The following PPP1R12B variants were observed in gnomAD, a reference collection of about 807,000 sequenced individuals.
The protein encoded by PPP1R12B is myosin phosphatase target subunit 2.
PPP1R12B carries 76 observed loss-of-function variants against 126.1 expected under a neutral mutation model. The ratio of observed to expected loss-of-function variants is 0.60; its 90% CI spans 0.50 to 0.73. The LOEUF is 0.73. Ranked by LOEUF, PPP1R12B falls within the 30% of genes least tolerant of loss-of-function variation. The pLI is 0.00. For synonymous variants in PPP1R12B, 356 were observed against 434.7 expected, an observed-to-expected ratio of 0.82 and a Z score of 2.25; for missense variants, 1,052 against 1,205.1, an observed-to-expected ratio of 0.87 and a Z score of 1.88.
At chr1:202,512,139 C>G (rs973959579) in intron 18 of PPP1R12B, among the ~76,000 whole-genome samples, 1 of 152,164 alleles carries the variant, frequency 6.6e-6, no homozygotes, top group African/African-American at 2.4e-5. Flanking sequence ...CTAGGATATT[C>G]CAGGGCTAAC....
rs767705356 is a variant in PPP1R12B at position 202,588,446 on chromosome 1, G to A, written c.*7886G>A. 2 of 152,558 alleles carry A rather than the reference G, an allele frequency of 1.3e-5. No individual in the cohort carries two copies. Among genetic ancestry groups the A allele is most frequent in the Non-Finnish European group, 2.9e-5 (2 of 68,034 alleles). The allele number at this position is 152,558 out of a possible 1,614,324, so 9.5% of individuals were successfully genotyped here. A position where few individuals can be genotyped will look rare whatever the true frequency, so the allele number is the denominator to read the frequency against. Reference sequence around the variant, plus strand: ...GATGAATGGTTTTGTTTTACTGGTTGTTGTTATATAGTTTTGAGTATTCTG... The same window carrying A: ...GATGAATGGTTTTGTTTTACTGGTTATTGTTATATAGTTTTGAGTATTCTG... On this transcript the variant is annotated 3_prime_UTR_variant, in exon 24 of 24. Coordinates refer to ENST00000608999, the MANE Select transcript of PPP1R12B (RefSeq NM_002481.4).
At chr1:202,502,043 T>C in intron 18 of PPP1R12B, 1 of 985,276 alleles carries the variant, frequency 1.0e-6, no homozygotes, top group Non-Finnish European at 1.2e-6. Context: ...AGACTTTTCA[T>C]ACTTTTCTTT....
chr1:202,485,185 A>G (rs1459349428), intron 13 of PPP1R12B, among the ~76,000 whole-genome samples: 1 of 152,102 alleles, frequency 6.6e-6, no homozygotes, highest in Admixed American at 6.5e-5. Context: ...TTGGGAGGGT[A>G]GTGTGCCACA....
chr1:202,446,250 A>ATT (rs1219174832), intron 12 of PPP1R12B, among the ~76,000 whole-genome samples: 44 of 61,558 alleles, frequency 7.1e-4, no homozygotes, highest in African/African-American at 3.9e-3. Flanking sequence ...ATATATATAT[A>ATT]TATATATTTT....
chr1:202,444,233 A>G (rs910279939), intron 12 of PPP1R12B, among the ~76,000 whole-genome samples: 6 of 152,178 alleles, frequency 3.9e-5, no homozygotes, highest in Middle Eastern at 3.2e-3. Context: ...TTCCTTTCAT[A>G]TGGCCCATAT....
intron 13 of PPP1R12B, among the ~76,000 whole-genome samples, chr1:202,453,236 A>T (rs1431736280): frequency 6.6e-6 from 1 of 152,010 alleles, no homozygotes; most frequent in Non-Finnish European, 1.5e-5. Context: ...AATTGAAATG[A>T]TCATAGTGTT....
At chr1:202,374,330 AG>A in intron 1 of PPP1R12B, among the ~76,000 whole-genome samples, 2 of 152,236 alleles carry the variant, frequency 1.3e-5, no homozygotes, top group Admixed American at 1.3e-4. Flanking sequence ...ATGTTTATAC[AG>A]CAGTTAACTA....
chr1:202,503,127 G>A (rs1680411406), intron 18 of PPP1R12B, among the ~76,000 whole-genome samples: 1 of 152,168 alleles, frequency 6.6e-6, no homozygotes, highest in South Asian at 2.1e-4. Context: ...AGTAATCCAG[G>A]AGAAAACTGA....
Position 202,581,498 on chromosome 1 carries a change from T to G in PPP1R12B, c.*938T>G, listed in dbSNP as rs765114287. The stretch of plus-strand genomic sequence containing the variant: ...TCCCCCTTCAAAGTGATTTTCTTTA[T>G]AAGAAAATTTGGGCTCTGAATACTC... On this transcript the variant is annotated 3_prime_UTR_variant, in exon 24 of 24. Coordinates refer to ENST00000608999, the MANE Select transcript of PPP1R12B (RefSeq NM_002481.4). 9.9e-5 allele frequency: 15 copies of G among 152,228 alleles called. No homozygotes were observed. The highest frequency in any genetic ancestry group is 1.8e-4 in the Non-Finnish European group (12 of 68,042). The allele number at this position is 152,228 out of a possible 1,614,324, so 9.4% of individuals were successfully genotyped here.
chr1:202,549,808 T>A (rs970417549), intron 18 of PPP1R12B, among the ~76,000 whole-genome samples: 16 of 152,154 alleles, frequency 1.1e-4, no homozygotes, highest in African/African-American at 3.9e-4. Context: ...ATGTCTTAGA[T>A]TCTGTAATTG....
chr1:202,405,026 C>G (rs2148576680), intron 1 of PPP1R12B, among the ~76,000 whole-genome samples: 1 of 152,280 alleles, frequency 6.6e-6, no homozygotes, highest in African/African-American at 2.4e-5. Context: ...TAGTACAGGC[C>G]TTAGTAATAT....
At position 202,562,847 on chromosome 1, in the gene PPP1R12B, T is replaced by TCGGGAGGCC. The variant is rs754410561; in HGVS notation, c.2589_2597dup (p.Glu864_Arg866dup). 13 of 1,613,282 alleles carry TCGGGAGGCC rather than the reference T, an allele frequency of 8.1e-6. No individual in the cohort carries two copies. In the South Asian group the frequency reaches 1.3e-4, roughly 16 times the overall value. On this transcript the variant is annotated inframe_insertion, in exon 20 of 24. Transcript: ENST00000608999. ...GTGACCGGGCTTCAGCAAGAGCCCG[T>TCGGGAGGCC]CGGGAGGCCCGGGAGGCCCGCCTAG... is the stretch of plus-strand genomic sequence containing the variant.
At chr1:202,474,606 TAA>T (rs2148801923) in intron 13 of PPP1R12B, among the ~76,000 whole-genome samples, 1 of 152,236 alleles carries the variant, frequency 6.6e-6, no homozygotes, top group South Asian at 2.1e-4. Context: ...GAAATTTTGT[TAA>T]GTTTATGTTT....
At chr1:202,532,262 T>C (rs1572411179) in intron 18 of PPP1R12B, among the ~76,000 whole-genome samples, 1 of 152,206 alleles carries the variant, frequency 6.6e-6, no homozygotes, top group African/African-American at 2.4e-5. Context: ...GTCACTCTCA[T>C]TGCCATCTTG....
chr1:202,554,970 A>G (rs1232738210), intron 18 of PPP1R12B, among the ~76,000 whole-genome samples: 1 of 152,038 alleles, frequency 6.6e-6, no homozygotes, highest in Non-Finnish European at 1.5e-5. Context: ...ATTTGTGGAA[A>G]AATTAATCTA....
chr1:202,575,333 G>A, intron 23 of PPP1R12B: 1 of 747,344 alleles, frequency 1.3e-6, no homozygotes, highest in Non-Finnish European at 2.0e-6. Context: ...CCTAGGTCAA[G>A]GGAGGCAGTG....
rs1572279283 is a variant in PPP1R12B, at chr1:202,496,937, G to C, written c.2490+115G>C. The C allele has an allele frequency of 6.6e-6, 7 of 1,060,266 alleles. No individual in the cohort carries two copies. The East Asian group carries it at 1.7e-4, about 26-fold the overall frequency. 65.7% of individuals were successfully genotyped at this position (1,060,266 alleles called of 1,614,324 possible). On this transcript the variant is annotated intron_variant, in intron 18 of 23. Coordinates refer to ENST00000608999, the MANE Select transcript of PPP1R12B (RefSeq NM_002481.4). Reference sequence around the variant, plus strand: ...CAGATTTTAGTTGAGAAGGAGTTTGGAGATAGACATTCCTCTAAGAGATGG... The same window carrying C: ...CAGATTTTAGTTGAGAAGGAGTTTGCAGATAGACATTCCTCTAAGAGATGG...
At chr1:202,405,682 A>G (rs1272714257) in intron 1 of PPP1R12B, among the ~76,000 whole-genome samples, 1 of 152,218 alleles carries the variant, frequency 6.6e-6, no homozygotes, top group Non-Finnish European at 1.5e-5. Flanking sequence ...ACTCGTCCCA[A>G]GAACACAAAA....
At chr1:202,494,987 A>AT (rs1217279906) in intron 15 of PPP1R12B, among the ~76,000 whole-genome samples, 1 of 151,606 alleles carries the variant, frequency 6.6e-6, no homozygotes, top group African/African-American at 2.4e-5. Context: ...GATCAAAGGA[A>AT]TTTTTTTTAC....
Sources: gnomAD v4.1 joint callset for allele counts (sites outside exome capture counted in the v4.1 genomes callset) on GRCh38, gnomAD v4.1.1 for gene constraint, MANE v1.5 for transcripts, NCBI Gene and HGNC (gene_info 2026-07-23, HGNC 2026-07-21) for gene names.